Variants in DGAT2 observed in about 807,000 individuals in gnomAD.
The protein encoded by DGAT2 is acyl-CoA retinol O-fatty-acyltransferase.
A neutral mutation model predicts 48.4 loss-of-function variants in DGAT2; 33 were observed. The ratio of observed to expected loss-of-function variants is 0.68; its 90% CI spans 0.52 to 0.91. DGAT2 has a LOEUF of 0.91. Among genes scored for constraint, DGAT2 ranks in the 40% least tolerant of loss-of-function variants. The probability of loss-of-function intolerance (pLI) is 0.00; values close to 1 mark genes in which losing one functional copy is unlikely to be tolerated. For missense variants in DGAT2, 446 were observed against 493.7 expected, an observed-to-expected ratio of 0.90 and a Z score of 0.92; for synonymous variants, 191 against 194.1, an observed-to-expected ratio of 0.98 and a Z score of 0.13.
chr11:75,773,224 C>A (rs7933029), intron 1 of DGAT2, among the ~76,000 whole-genome samples: 7,363 of 152,234 alleles, frequency 0.048, 604 homozygotes, highest in African/African-American at 0.17. Flanking sequence ...CCTCCTCTGT[C>A]CCTGTAACCA....
intron 2 of DGAT2, among the ~76,000 whole-genome samples, chr11:75,788,062 C>T (rs575087131): frequency 2.6e-5 from 4 of 152,180 alleles, no homozygotes; most frequent in Non-Finnish European, 5.9e-5. Context: ...AGCTCAGCCC[C>T]CTCTGGTCCT....
Position 75,800,647 on chromosome 11 carries a change from T to C in DGAT2, c.*139T>C. The C allele has an allele frequency of 9.1e-7, 1 of 1,102,414 alleles. No homozygotes were observed. Among genetic ancestry groups the C allele is most frequent in the Non-Finnish European group, 1.3e-6 (1 of 793,196 alleles). 68.3% of individuals were successfully genotyped at this position (1,102,414 alleles called of 1,614,324 possible). ...TTTGCTAAACCATTACAATGTTAGG[T>C]CTTTTTTAAGAAGGAAAAAGTCAGT... On this transcript the variant is annotated 3_prime_UTR_variant, in exon 8 of 8. Coordinates refer to ENST00000228027, the MANE Select transcript of DGAT2 (RefSeq NM_032564.5).
Position 75,797,293 on chromosome 11 carries a change from G to A in DGAT2, c.770G>A (p.Arg257Gln), listed in dbSNP as rs775977809. The A allele has an allele frequency of 3.1e-5, 49 of 1,556,554 alleles. No individual in the cohort carries two copies. The highest frequency in any genetic ancestry group is 3.0e-4 in the South Asian group (25 of 82,250). The change falls in exon 6 of 8, where the codon CGG becomes CAG. Residue 257 changes from arginine (R) to glutamine (Q), a missense_variant. Transcript: ENST00000228027. ...SMPGKNAVTL[R>Q]NRKGFVKLAL... ...CCTGGCAAGAATGCAGTCACCCTGC[G>A]GAACCGCAAGGGCTTTGTGAAACTG...
intron 1 of DGAT2, among the ~76,000 whole-genome samples, chr11:75,772,423 C>G (rs537786772): frequency 6.6e-6 from 1 of 152,296 alleles, no homozygotes; most frequent in East Asian, 1.9e-4. Flanking sequence ...GCATGGTGGT[C>G]TTCCTGTTCC....
chr11:75,780,027 A>G (rs1209987681), intron 1 of DGAT2, among the ~76,000 whole-genome samples: 7 of 152,244 alleles, frequency 4.6e-5, no homozygotes, highest in Non-Finnish European at 1.0e-4. Flanking sequence ...CCCATGCGTC[A>G]CTGGCAGTGG....
intron 1 of DGAT2, among the ~76,000 whole-genome samples, chr11:75,771,332 C>G (rs1197152343): frequency 6.6e-6 from 1 of 152,046 alleles, no homozygotes; most frequent in Non-Finnish European, 1.5e-5. Context: ...TTATCCTTGC[C>G]TTTGGATTGG....
At chr11:75,798,988 C>A (rs1013901531) in intron 7 of DGAT2, among the ~76,000 whole-genome samples, 1 of 152,124 alleles carries the variant, frequency 6.6e-6, no homozygotes, top group Non-Finnish European at 1.5e-5. Context: ...TGGCCCTCGT[C>A]TGTGTTGTTT....
intron 1 of DGAT2, among the ~76,000 whole-genome samples, chr11:75,780,906 C>T (rs1409079923): frequency 6.6e-6 from 1 of 152,246 alleles, no homozygotes; most frequent in Non-Finnish European, 1.5e-5. Flanking sequence ...ATACCTTTCA[C>T]TCAGCCCTGC....
chr11:75,798,805 A>G (rs72997630), intron 7 of DGAT2, among the ~76,000 whole-genome samples: 8,742 of 152,284 alleles, frequency 0.057, 350 homozygotes, highest in Middle Eastern at 0.092. Flanking sequence ...TTGCACTGCT[A>G]ACTGATAGGA....
intron 2 of DGAT2, among the ~76,000 whole-genome samples, chr11:75,785,290 A>G (rs978074172): frequency 6.6e-6 from 1 of 152,220 alleles, no homozygotes; most frequent in Non-Finnish European, 1.5e-5. Context: ...GATTGAAGAT[A>G]AGAAATGAGA....
At position 75,801,447 on chromosome 11, in the gene DGAT2, C is replaced by T. The variant is rs1945111742; in HGVS notation, c.*939C>T. On this transcript the variant is annotated 3_prime_UTR_variant, in exon 8 of 8. Transcript: ENST00000228027. ...GCCGGGGAGGAAACCCAACCCTCTC[C>T]TGTGTGTTCTGTTATCTCTTGATGA... The T allele has an allele frequency of 6.5e-6, 1 of 152,672 alleles. No homozygotes were observed. Among genetic ancestry groups the T allele is most frequent in the Admixed American group, 6.5e-5 (1 of 15,284 alleles). 9.5% of individuals were successfully genotyped at this position (152,672 alleles called of 1,614,324 possible).
chr11:75,771,355 C>T (rs879444665), intron 1 of DGAT2, among the ~76,000 whole-genome samples: 10 of 152,066 alleles, frequency 6.6e-5, no homozygotes, highest in Non-Finnish European at 1.2e-4. Flanking sequence ...GCTCTTCGTT[C>T]AGAAGAGCCC....
At chr11:75,790,901 C>T (rs1288572771) in intron 4 of DGAT2, among the ~76,000 whole-genome samples, 170 bp downstream of exon 4, 1 of 152,224 alleles carries the variant, frequency 6.6e-6, no homozygotes, top group Non-Finnish European at 1.5e-5. Flanking sequence ...GAGTATCCAT[C>T]TTCTTTGGGC....
At chr11:75,770,188 TTAATG>T (rs1260199347) in intron 1 of DGAT2, among the ~76,000 whole-genome samples, 4 of 152,250 alleles carry the variant, frequency 2.6e-5, no homozygotes, top group Non-Finnish European at 5.9e-5. Flanking sequence ...TTTCTCCCCC[TTAATG>T]TAACATCGAG....
intron 1 of DGAT2, among the ~76,000 whole-genome samples, chr11:75,769,634 G>A (rs748290164): frequency 6.6e-6 from 1 of 152,166 alleles, no homozygotes; most frequent in Non-Finnish European, 1.5e-5. Flanking sequence ...GTCCTCCAAG[G>A]TAGAACTGAG....
Position 75,800,518 on chromosome 11 carries a change from C to A in DGAT2, c.*10C>A. 6.2e-7 allele frequency: 1 copy of A among 1,613,212 alleles called. No homozygotes were observed. The highest frequency in any genetic ancestry group is 2.2e-5 in the East Asian group (1 of 44,852). ...CCTGGAGGTGAACTGAGCCAGCCTTCGGGGCCAATTCCCTGGAGGAACCAG... is the reference window on the plus strand; with the variant it reads ...CCTGGAGGTGAACTGAGCCAGCCTTAGGGGCCAATTCCCTGGAGGAACCAG... On this transcript the variant is annotated 3_prime_UTR_variant, in exon 8 of 8. Coordinates refer to ENST00000228027, the MANE Select transcript of DGAT2 (RefSeq NM_032564.5).
At chr11:75,770,465 T>G (rs760246882) in intron 1 of DGAT2, among the ~76,000 whole-genome samples, 2 of 152,208 alleles carry the variant, frequency 1.3e-5, no homozygotes, top group Non-Finnish European at 2.9e-5. Context: ...CTTCTCTCAC[T>G]TGAGTCCTTT....
chr11:75,797,266 T>C lies in DGAT2; in HGVS notation c.743T>C (p.Met248Thr). ...GGTGCGGCTGAGTCTCTGAGCTCCA[T>C]GCCTGGCAAGAATGCAGTCACCCTG... ...VGGAAESLSS[M>T]PGKNAVTLRN... The change falls in exon 6 of 8, where the codon ATG becomes ACG. Residue 248 changes from methionine (M) to threonine (T), a missense_variant. Physicochemically the swap from Met to Thr is moderately conservative, Grantham distance 81. Transcript: ENST00000228027. 4 of 1,578,930 alleles carry C rather than the reference T, an allele frequency of 2.5e-6. No individual in the cohort carries two copies. Among genetic ancestry groups the C allele is most frequent in the South Asian group, 1.2e-5 (1 of 86,330 alleles).
chr11:75,798,471 G>A (rs1480981995), intron 7 of DGAT2, 42 bp downstream of exon 7: 1 of 1,601,634 alleles, frequency 6.2e-7, no homozygotes, highest in African/African-American at 1.3e-5. Flanking sequence ...CCTGAACACA[G>A]GGTGCCATAC....
Sources: gnomAD v4.1 joint callset for allele counts (sites outside exome capture counted in the v4.1 genomes callset) on GRCh38, gnomAD v4.1.1 for gene constraint, MANE v1.5 for transcripts, NCBI Gene and HGNC (gene_info 2026-07-23, HGNC 2026-07-21) for gene names.